FNDC3A: variants seen among roughly 807,000 people sequenced by gnomAD.
The protein encoded by FNDC3A is fibronectin type-III domain-containing protein 3A.
Under a neutral mutation model 148.9 loss-of-function variants are expected in FNDC3A, and 32 were observed. The observed-to-expected ratio is 0.21, with a 90% confidence interval of 0.16 to 0.29. The LOEUF is 0.29. FNDC3A is among the 10% of genes least tolerant of loss of function. The pLI is 1.00. For synonymous variants in FNDC3A, 472 were observed against 473.6 expected, an observed-to-expected ratio of 1.00 and a Z score of 0.04; for missense variants, 1,191 against 1,452.8, an observed-to-expected ratio of 0.82 and a Z score of 2.93.
chr13:49,138,942 C>T (rs553233230), intron 7 of FNDC3A, 137 bp downstream of exon 7: 10 of 463,604 alleles, frequency 2.2e-5, no homozygotes, highest in Non-Finnish European at 3.9e-5. Flanking sequence ...AGCTTTTTCA[C>T]TCACTATGGT....
chr13:49,086,396 A>G (rs1293245216), intron 3 of FNDC3A, among the ~76,000 whole-genome samples: 2 of 152,212 alleles, frequency 1.3e-5, no homozygotes, highest in African/African-American at 4.8e-5. Flanking sequence ...GGCTAGGGCA[A>G]TTTAGATTCT....
At chr13:49,180,894 CAA>C (rs112964715) in intron 14 of FNDC3A, among the ~76,000 whole-genome samples, 2 of 137,520 alleles carry the variant, frequency 1.5e-5, no homozygotes. Flanking sequence ...GATTCTGTCT[CAA>C]AAAAAAAAAA....
intron 1 of FNDC3A, among the ~76,000 whole-genome samples, chr13:48,979,849 A>T (rs1951666668): frequency 6.6e-6 from 1 of 152,128 alleles, no homozygotes; most frequent in Admixed American, 6.5e-5. Context: ...ATCTTTTAAA[A>T]ACGTAAAAAT....
At position 49,052,951 on chromosome 13, in the gene FNDC3A, G is replaced by A. The variant is rs79260211; in HGVS notation, c.100-22338G>A. 7.2e-5 allele frequency among the ~76,000 whole-genome samples: 11 copies of A among 152,242 alleles called. No homozygotes were observed. The East Asian group carries it at 2.1e-3, about 29-fold the overall frequency. On this transcript the variant is annotated intron_variant, in intron 2 of 25. Coordinates refer to ENST00000492622, the MANE Select transcript of FNDC3A (RefSeq NM_001079673.2). ...AGTCCAATGAAGTTATATTCCCAGG[G>A]GGTTTACAGCTGCCTCTACTGAGTC...
At chr13:49,086,592 G>A (rs909909275) in intron 3 of FNDC3A, among the ~76,000 whole-genome samples, 14 of 152,088 alleles carry the variant, frequency 9.2e-5, no homozygotes, top group African/African-American at 3.4e-4. Context: ...GAAATTATAA[G>A]TAACTCAAGT....
At chr13:49,189,732 C>T (rs1056092904) in intron 17 of FNDC3A, among the ~76,000 whole-genome samples, 4 of 152,150 alleles carry the variant, frequency 2.6e-5, no homozygotes, top group African/African-American at 9.7e-5. Context: ...AGCAACAACA[C>T]ATAGACATGC....
chr13:49,110,715 C>A (rs763265466), intron 3 of FNDC3A, among the ~76,000 whole-genome samples: 2 of 152,090 alleles, frequency 1.3e-5, no homozygotes, highest in Non-Finnish European at 2.9e-5. Flanking sequence ...GAATGTGTAG[C>A]ACAGCGGCAG....
chr13:49,072,243 G>A (rs534756773), intron 2 of FNDC3A, among the ~76,000 whole-genome samples: 6 of 152,046 alleles, frequency 3.9e-5, no homozygotes, highest in East Asian at 1.9e-4. Context: ...ATAGAAAACC[G>A]GTTTTCTGAG....
At position 49,020,071 on chromosome 13, in the gene FNDC3A, G is replaced by A. The variant is rs150305748; in HGVS notation, c.99+13782G>A. ...TAATCTGTGTATATTTGTTATGTAA[G>A]TGGTATTAAAATGGTTAAGAAAAGT... is the stretch of plus-strand genomic sequence containing the variant. On this transcript the variant is annotated intron_variant, in intron 2 of 25. Coordinates refer to ENST00000492622, the MANE Select transcript of FNDC3A (RefSeq NM_001079673.2). Among the ~76,000 whole-genome samples the A allele has an allele frequency of 5.0e-4, 76 of 152,268 alleles. No homozygotes were observed. The Middle Eastern group carries it at 0.014, about 27-fold the overall frequency.
At chr13:49,087,167 AAT>A in intron 3 of FNDC3A, among the ~76,000 whole-genome samples, 1 of 152,142 alleles carries the variant, frequency 6.6e-6, no homozygotes, top group East Asian at 1.9e-4. Flanking sequence ...GGAAGTATAA[AAT>A]CTAAGCCAGT....
At chr13:49,038,269 G>C (rs879855923) in intron 2 of FNDC3A, among the ~76,000 whole-genome samples, 1 of 152,158 alleles carries the variant, frequency 6.6e-6, no homozygotes, top group Non-Finnish European at 1.5e-5. Flanking sequence ...AGGAATGCCT[G>C]TTCTCACTTA....
chr13:49,026,757 G>A (rs1182530006), intron 2 of FNDC3A, among the ~76,000 whole-genome samples: 4 of 152,128 alleles, frequency 2.6e-5, no homozygotes, highest in Non-Finnish European at 4.4e-5. Flanking sequence ...TTCCTGCCTC[G>A]ATAGAAGGTT....
intron 7 of FNDC3A, among the ~76,000 whole-genome samples, chr13:49,141,205 G>A (rs1179610699): frequency 6.6e-6 from 1 of 152,152 alleles, no homozygotes; most frequent in Non-Finnish European, 1.5e-5. Context: ...TAATGGTATT[G>A]TATACCCTCA....
At chr13:49,175,986 T>G (rs1213892976) in intron 13 of FNDC3A, among the ~76,000 whole-genome samples, 3 of 152,248 alleles carry the variant, frequency 2.0e-5, no homozygotes, top group Non-Finnish European at 2.9e-5. Context: ...TCTGTTTATG[T>G]GATGGATTAC....
At chr13:49,054,063 C>A (rs1163447174) in intron 2 of FNDC3A, among the ~76,000 whole-genome samples, 1 of 152,086 alleles carries the variant, frequency 6.6e-6, no homozygotes, top group African/African-American at 2.4e-5. Context: ...TAATGCTGGT[C>A]AGTTGTGTGC....
In FNDC3A at chr13:49,180,321, A is replaced by AT. The variant is rs1423805266; in HGVS notation, c.1617+1671dup. On this transcript the variant is annotated intron_variant, in intron 14 of 25. Transcript: ENST00000492622. ...GTTTTCACTATTAAAAAGCAAAGAA[A>AT]TTTTATTACTTCTTGAGAATCTTAA... 2.0e-5 allele frequency among the ~76,000 whole-genome samples: 3 copies of AT among 152,350 alleles called. No individual in the cohort carries two copies. The East Asian group carries it at 5.8e-4, about 29-fold the overall frequency.
chr13:49,153,174 G>A (rs1055455896), intron 8 of FNDC3A, among the ~76,000 whole-genome samples: 69 of 151,780 alleles, frequency 4.5e-4, no homozygotes, highest in Middle Eastern at 6.8e-3. Context: ...ATCCTCTCCA[G>A]CACCTGTTGT....
chr13:49,019,570 G>T (rs762679004), intron 2 of FNDC3A, among the ~76,000 whole-genome samples: 1 of 152,196 alleles, frequency 6.6e-6, no homozygotes, highest in Non-Finnish European at 1.5e-5. Flanking sequence ...CTTCTGCGTC[G>T]CTCTCTCTGG....
intron 8 of FNDC3A, among the ~76,000 whole-genome samples, chr13:49,160,678 C>T (rs554316236): frequency 6.6e-6 from 1 of 151,844 alleles, no homozygotes; most frequent in East Asian, 1.9e-4. Context: ...AATGTGTTTG[C>T]TCTTGCTTCT....
Sources: allele counts gnomAD v4.1 joint callset (sites outside exome capture counted in the v4.1 genomes callset), GRCh38; gene constraint gnomAD v4.1.1; transcripts MANE v1.5; gene names NCBI Gene and HGNC (gene_info 2026-07-23, HGNC 2026-07-21).